LNX1: variants seen among roughly 807,000 people sequenced by gnomAD.
LNX1 encodes ligand of numb-protein X 1, also known as E3 ubiquitin-protein ligase LNX.
A neutral mutation model predicts 68.4 loss-of-function variants in LNX1; 54 were observed. That is an observed-to-expected ratio of 0.79 (90% CI 0.63 to 0.99). The LOEUF is 0.99. LNX1 is among the 50% of genes least tolerant of loss of function. LNX1 has a pLI of 0.00. For synonymous variants in LNX1, 336 were observed against 350.0 expected, an observed-to-expected ratio of 0.96 and a Z score of 0.45; for missense variants, 906 against 926.4, an observed-to-expected ratio of 0.98 and a Z score of 0.29.
chr4:53,463,850 T>G (rs1441908945), intron 9 of LNX1, among the ~76,000 whole-genome samples: 1 of 152,060 alleles, frequency 6.6e-6, no homozygotes, highest in African/African-American at 2.4e-5. Context: ...TCCCCTTATA[T>G]TACTAATTTA....
In LNX1 at chr4:53,495,548, C is replaced by CTTTTTTTTTT. The variant is rs199684639; in HGVS notation, c.1350+465_1350+474dup. Reference sequence around the variant, plus strand: ...GATCCCTGGAGAATGCATGGCATAGCTTTTTTTTTTTTTAAGATGGGTCTT... The same window carrying CTTTTTTTTTT: ...GATCCCTGGAGAATGCATGGCATAGCTTTTTTTTTTTTTTTTTTTTTTTAAGATGGGTCTT... On this transcript the variant is annotated intron_variant, in intron 6 of 10. Transcript: ENST00000263925. Among the ~76,000 whole-genome samples the CTTTTTTTTTT allele has an allele frequency of 5.2e-3, 626 of 119,332 alleles. 23 individuals are homozygous for CTTTTTTTTTT. Among genetic ancestry groups the CTTTTTTTTTT allele is most frequent in the Middle Eastern group, 0.029 (6 of 206 alleles). The allele number at this position is 119,332 out of a possible 152,430, so 78.3% of individuals were successfully genotyped here.
intron 2 of LNX1, among the ~76,000 whole-genome samples, chr4:53,569,663 G>T (rs1442360758): frequency 6.6e-6 from 1 of 151,596 alleles, no homozygotes; most frequent in African/African-American, 2.4e-5. Flanking sequence ...ATTGAGAAAT[G>T]GGATCTAATT....
chr4:53,530,604 C>G (rs1218474883), intron 2 of LNX1, among the ~76,000 whole-genome samples: 3 of 152,092 alleles, frequency 2.0e-5, no homozygotes, highest in African/African-American at 7.2e-5. Flanking sequence ...TTTTTAAAAT[C>G]TCTTACTTTG....
rs1724674735 is a variant in LNX1 at position 53,491,514 on chromosome 4, T to C, written c.1350+4509A>G. ...CTAGTTCAGCATGGTACCACACACCTCTTGGCACAAAGAAGTTGCTCAGTC... is the reference window on the plus strand; with the variant it reads ...CTAGTTCAGCATGGTACCACACACCCCTTGGCACAAAGAAGTTGCTCAGTC... On this transcript the variant is annotated intron_variant, in intron 6 of 10. Transcript: ENST00000263925. 3.9e-5 allele frequency among the ~76,000 whole-genome samples: 6 copies of C among 152,116 alleles called. No homozygotes were observed. In the South Asian group the frequency reaches 1.2e-3, roughly 31 times the overall value.
chr4:53,592,554 C>G (rs190751922), upstream of LNX1, among the ~76,000 whole-genome samples: 1 of 152,298 alleles, frequency 6.6e-6, no homozygotes, highest in Admixed American at 6.5e-5. Flanking sequence ...GTGGATTCCC[C>G]GTCCCGGAAG....
rs146046345 is a variant in LNX1 at position 53,616,792 on chromosome 4, C to T, written c.-283-207G>A. On this transcript the variant is annotated intron_variant, in intron 1 of 3. Coordinates refer to the LNX1 transcript ENST00000504299. ...ATTTCCATAAAGGAAATGGAGGCAA[C>T]GATGGGTTACTTGATTCTCCCAAGA... 1.2e-4 allele frequency among the ~76,000 whole-genome samples: 18 copies of T among 152,286 alleles called. No individual in the cohort carries two copies. In the East Asian group the frequency reaches 3.1e-3, roughly 26 times the overall value.
chr4:53,572,868 AC>A (rs1256149872), intron 2 of LNX1, among the ~76,000 whole-genome samples: 1 of 152,166 alleles, frequency 6.6e-6, no homozygotes, highest in African/African-American at 2.4e-5. Context: ...TGCTTGGAAG[AC>A]AAAAGTTTCC....
intron 2 of LNX1, among the ~76,000 whole-genome samples, chr4:53,538,215 G>T (rs1237100373): frequency 1.3e-5 from 2 of 152,220 alleles, no homozygotes; most frequent in African/African-American, 4.8e-5. Flanking sequence ...GATTGCTCCT[G>T]TGGTTGGGAC....
intron 2 of LNX1, among the ~76,000 whole-genome samples, chr4:53,521,300 C>T (rs906850722): frequency 2.0e-5 from 3 of 152,100 alleles, no homozygotes; most frequent in African/African-American, 4.8e-5. Context: ...AGCTTGATAT[C>T]GAGATGGAGG....
At chr4:53,468,904 C>T (rs1035578695) in intron 9 of LNX1, among the ~76,000 whole-genome samples, 2 of 152,156 alleles carry the variant, frequency 1.3e-5, no homozygotes, top group Admixed American at 1.3e-4. Context: ...GACTTTAACA[C>T]CCCATTGTCA....
intron 2 of LNX1, among the ~76,000 whole-genome samples, chr4:53,563,371 T>C (rs1730414040): frequency 6.6e-6 from 1 of 152,162 alleles, no homozygotes; most frequent in Non-Finnish European, 1.5e-5. Context: ...AAGTAAACAC[T>C]TGCCTGTTAG....
intron 2 of LNX1, among the ~76,000 whole-genome samples, chr4:53,510,996 T>C (rs781166753): frequency 1.3e-5 from 2 of 152,226 alleles, no homozygotes; most frequent in African/African-American, 2.4e-5. Context: ...TTTCAAATTC[T>C]TGGGGTTCTA....
At chr4:53,650,505 A>G (rs1290861051) in intron 1 of LNX1, among the ~76,000 whole-genome samples, 2 of 152,164 alleles carry the variant, frequency 1.3e-5, no homozygotes, top group Non-Finnish European at 2.9e-5. Flanking sequence ...CAAATGTGGA[A>G]AGGGAGAAAA....
intron 2 of LNX1, among the ~76,000 whole-genome samples, chr4:53,569,977 C>A (rs955706254): frequency 6.6e-6 from 1 of 152,144 alleles, no homozygotes; most frequent in African/African-American, 2.4e-5. Flanking sequence ...CTATCTCACA[C>A]CAGTTAGAAT....
intron 1 of LNX1, among the ~76,000 whole-genome samples, chr4:53,631,128 G>A (rs184765852): frequency 1.8e-3 from 278 of 152,306 alleles, no homozygotes; most frequent in Non-Finnish European, 3.4e-3. Context: ...GTCGCCCATG[G>A]AGTTAAGGGA....
At chr4:53,487,993 T>C (rs936092305) in intron 6 of LNX1, among the ~76,000 whole-genome samples, 1 of 152,186 alleles carries the variant, frequency 6.6e-6, no homozygotes, top group African/African-American at 2.4e-5. Flanking sequence ...TCTCAGTGAA[T>C]CCATCTTGTG....
At chr4:53,572,191 C>T (rs962767979) in intron 2 of LNX1, among the ~76,000 whole-genome samples, 1 of 152,192 alleles carries the variant, frequency 6.6e-6, no homozygotes, top group African/African-American at 2.4e-5. Flanking sequence ...TCCAGACCTA[C>T]TTCTTTCCCA....
At chr4:53,531,233 G>A (rs559114644) in intron 2 of LNX1, among the ~76,000 whole-genome samples, 1 of 152,212 alleles carries the variant, frequency 6.6e-6, no homozygotes, top group Non-Finnish European at 1.5e-5. Context: ...CTGTGGACAT[G>A]AGGTGGGGAA....
chr4:53,610,386 T>C (rs1733430826), intron 2 of LNX1, among the ~76,000 whole-genome samples: 1 of 152,166 alleles, frequency 6.6e-6, no homozygotes, highest in African/African-American at 2.4e-5. Context: ...TAACATACTC[T>C]AGGATTCTGT....
Sources: gnomAD v4.1 joint callset for allele counts (sites outside exome capture counted in the v4.1 genomes callset) on GRCh38, gnomAD v4.1.1 for gene constraint, MANE v1.5 for transcripts, NCBI Gene and HGNC (gene_info 2026-07-23, HGNC 2026-07-21) for gene names.